The following DOK7 variants were observed in gnomAD, a reference collection of about 807,000 sequenced individuals.
DOK7 encodes the protein protein Dok-7.
In DOK7, 32 loss-of-function variants were observed where a neutral mutation model predicts 30.7. The observed-to-expected ratio is 1.04, with a 90% CI of 0.79 to 1.40. The LOEUF is 1.40. Among genes scored for constraint, DOK7 ranks in the 40% most tolerant of loss-of-function variants. The probability of loss-of-function intolerance (pLI) is 0.00; values close to 1 mark genes in which losing one functional copy is unlikely to be tolerated. For missense variants in DOK7, 1,007 were observed against 699.2 expected (o/e 1.44, Z -4.97); for synonymous variants, 447 against 324.1 (o/e 1.38, Z -4.07).
intron 5 of DOK7, among the ~76,000 whole-genome samples, chr4:3,488,471 G>C (rs959304302): frequency 2.0e-5 from 3 of 152,328 alleles, no homozygotes; most frequent in East Asian, 3.9e-4. Flanking sequence ...TGCTTTCTCT[G>C]TTTGTTTCTC....
At chr4:3,499,347 G>A (rs1729080688), downstream of DOK7, among the ~76,000 whole-genome samples, 1 of 152,150 alleles carries the variant, frequency 6.6e-6, no homozygotes, top group Non-Finnish European at 1.5e-5. Context: ...GGAATGGGGG[G>A]GGACTTGCTG....
chr4:3,490,920 A>C (rs1482997688), intron 6 of DOK7, among the ~76,000 whole-genome samples: 3 of 99,582 alleles, frequency 3.0e-5, no homozygotes, highest in South Asian at 3.4e-4. Context: ...CTGCTCATTC[A>C]TTCCTTCCTT....
At chr4:3,500,162 G>C in intron 6 of DOK7, 1 of 1,447,162 alleles carries the variant, frequency 6.9e-7, no homozygotes, top group East Asian at 2.5e-5. Flanking sequence ...GGAGGGGCTA[G>C]GCAGGGTGGG....
At chr4:3,481,514 C>T (rs1054688898) in intron 4 of DOK7, among the ~76,000 whole-genome samples, 1 of 152,110 alleles carries the variant, frequency 6.6e-6, no homozygotes, top group African/African-American at 2.4e-5. Flanking sequence ...GGAGCCAACA[C>T]CCACTGCCAG....
chr4:3,498,901 C>T (rs140050333), downstream of DOK7, among the ~76,000 whole-genome samples: 14 of 152,338 alleles, frequency 9.2e-5, no homozygotes, highest in Admixed American at 2.0e-4. Flanking sequence ...ATCAGGTGAG[C>T]GAACCCTCGT....
intron 5 of DOK7, 92 bp from the exon 6 acceptor site, chr4:3,489,585 G>T: frequency 6.5e-7 from 1 of 1,544,400 alleles, no homozygotes. Context: ...CCACAGAGGG[G>T]GATAACCACT....
Position 3,463,627 on chromosome 4 carries a change from G to GA in DOK7, c.100+76_100+77insA, listed in dbSNP as rs1237730837. On this transcript the variant is annotated intron_variant, in intron 2 of 6. Coordinates refer to ENST00000340083, the MANE Select transcript of DOK7 (RefSeq NM_173660.5). ...ACCGAGGCCCGGGGCAGTAATGCCAGCTTGCCCAAAATCGCCGCCGCTGTC... is the reference window on the plus strand; with the variant it reads ...ACCGAGGCCCGGGGCAGTAATGCCAGACTTGCCCAAAATCGCCGCCGCTGTC... The GA allele has an allele frequency of 5.5e-5, 83 of 1,505,108 alleles. 1 individual carries two copies. The Admixed American group carries it at 1.6e-3, about 29-fold the overall frequency. 93.2% of individuals were successfully genotyped at this position (1,505,108 alleles called of 1,614,324 possible). A position where few individuals can be genotyped will look rare whatever the true frequency, so the allele number is the denominator to read the frequency against.
intron 2 of DOK7, among the ~76,000 whole-genome samples, chr4:3,464,199 C>T (rs1726139603): frequency 6.6e-6 from 1 of 152,126 alleles, no homozygotes; most frequent in Non-Finnish European, 1.5e-5. Context: ...AGGACAGGTG[C>T]GGCAGAGCCG....
At chr4:3,497,943 G>A (rs1198755666), downstream of DOK7, among the ~76,000 whole-genome samples, 1 of 152,178 alleles carries the variant, frequency 6.6e-6, no homozygotes, top group Non-Finnish European at 1.5e-5. Context: ...CCCTTCAGAT[G>A]TCTTTTACCC....
At chr4:3,482,838 C>T (rs930406200) in intron 4 of DOK7, among the ~76,000 whole-genome samples, 117 of 152,314 alleles carry the variant, frequency 7.7e-4, no homozygotes, top group African/African-American at 2.7e-3. Context: ...TGGGTGGACA[C>T]TGAGACCACA....
intron 6 of DOK7, 22 bp downstream of exon 6, chr4:3,489,818 G>C: frequency 6.4e-7 from 1 of 1,564,486 alleles, no homozygotes. Flanking sequence ...GGCTGACCTG[G>C]GCTGTGGGAC....
chr4:3,481,178 G>C (rs983073539), intron 4 of DOK7, among the ~76,000 whole-genome samples: 1 of 151,942 alleles, frequency 6.6e-6, no homozygotes, highest in African/African-American at 2.4e-5. Flanking sequence ...GTGTTTGTTT[G>C]CACCATTGTC....
At position 3,473,458 on chromosome 4, in the gene DOK7, G is replaced by A; in HGVS notation, c.153G>A (p.Leu51=). 1 of 1,611,120 alleles carries A rather than the reference G, an allele frequency of 6.2e-7. No homozygotes were observed. Residue 51 remains leucine, a synonymous_variant, in exon 3 of 7, where the codon CTG becomes CTA. Transcript: ENST00000340083. Reference sequence around the variant, plus strand: ...ACAAGTCGGAGCGTATCAAGGGCCTGCGGGAGCGCAGCAGCCTGACGCTAG... The same window carrying A: ...ACAAGTCGGAGCGTATCAAGGGCCTACGGGAGCGCAGCAGCCTGACGCTAG... ...YKDKSERIKG[L]RERSSLTLED...
At chr4:3,488,392 G>C (rs987225390) in intron 5 of DOK7, among the ~76,000 whole-genome samples, 4 of 152,242 alleles carry the variant, frequency 2.6e-5, no homozygotes, top group African/African-American at 4.8e-5. Flanking sequence ...GAAGGCATCA[G>C]CAGAGGACAG....
rs200593935 is a variant in DOK7 at position 3,493,216 on chromosome 4, C to A, written c.1230C>A (p.Ser410Arg). 28 of 1,611,956 alleles carry A rather than the reference C, an allele frequency of 1.7e-5. No individual in the cohort carries two copies. The African/African-American group carries it at 3.3e-4, about 19-fold the overall frequency. The change falls in exon 7 of 7, where the codon AGC becomes AGA. Residue 410 changes from serine (S) to arginine (R), a missense_variant. Physicochemically the swap from Ser to Arg is moderately radical, Grantham distance 110. Transcript: ENST00000340083. ...SLRAHYDTPR[S>R]LCLAPRDHSP... ...GGGCCCACTATGACACACCACGCAG[C>A]CTTTGCCTGGCTCCTAGAGACCACA...
At chr4:3,487,941 G>A (rs528515237) in intron 5 of DOK7, among the ~76,000 whole-genome samples, 1 of 152,244 alleles carries the variant, frequency 6.6e-6, no homozygotes, top group Non-Finnish European at 1.5e-5. Flanking sequence ...GGTGCCTGCT[G>A]TCCTGCCCAC....
downstream of DOK7, among the ~76,000 whole-genome samples, chr4:3,496,280 C>G (rs551605867): frequency 6.6e-6 from 1 of 152,244 alleles, no homozygotes; most frequent in South Asian, 2.1e-4. Context: ...TGTCAGGGAA[C>G]TTTGCTCATC....
At chr4:3,463,666 ACCCGAGAGC>A in intron 2 of DOK7, 115 bp downstream of exon 2, 1 of 1,352,354 alleles carries the variant, frequency 7.4e-7, no homozygotes, top group Admixed American at 2.0e-5. Flanking sequence ...CCGCCGGGAA[ACCCGAGAGC>A]CCCGTGCGGA....
At chr4:3,489,165 C>G (rs1055522863) in intron 5 of DOK7, among the ~76,000 whole-genome samples, 4 of 152,126 alleles carry the variant, frequency 2.6e-5, no homozygotes, top group African/African-American at 7.2e-5. Context: ...CCACCATGCT[C>G]TGAGCCTTGG....
Sources: allele counts gnomAD v4.1 joint callset (sites outside exome capture counted in the v4.1 genomes callset), GRCh38; gene constraint gnomAD v4.1.1; transcripts MANE v1.5; gene names NCBI Gene and HGNC (gene_info 2026-07-23, HGNC 2026-07-21).